The following CADPS variants were observed in gnomAD, a reference collection of about 807,000 sequenced individuals.
CADPS encodes calcium dependent secretion activator, also known as calcium-dependent secretion activator 1.
A neutral mutation model predicts 167.3 loss-of-function variants in CADPS; 57 were observed. The observed-to-expected ratio is 0.34, with a 90% CI of 0.28 to 0.42. The LOEUF is 0.42. CADPS is among the 20% of genes least tolerant of loss of function. The pLI, the probability that CADPS is intolerant of heterozygous loss-of-function variation, is 1.00. For missense variants in CADPS, 1,414 were observed against 1,738.1 expected, an observed-to-expected ratio of 0.81 and a Z score of 3.32; for synonymous variants, 676 against 635.3, an observed-to-expected ratio of 1.06 and a Z score of -0.96.
At chr3:62,472,956 C>A (rs904277868) in intron 24 of CADPS, among the ~76,000 whole-genome samples, 1 of 152,202 alleles carries the variant, frequency 6.6e-6, no homozygotes, top group Non-Finnish European at 1.5e-5. Flanking sequence ...AGCATCGCCA[C>A]GGAACTTGTC....
intron 8 of CADPS, among the ~76,000 whole-genome samples, chr3:62,582,991 GAC>G (rs2083739750): frequency 6.6e-6 from 1 of 152,154 alleles, no homozygotes; most frequent in African/African-American, 2.4e-5. Flanking sequence ...GAGAGTAAGT[GAC>G]ACAATAAAAC....
At position 62,831,523 on chromosome 3, in the gene CADPS, TC is replaced by T. The variant is rs565332906; in HGVS notation, c.441+43065del. On this transcript the variant is annotated intron_variant, in intron 1 of 29. Coordinates refer to ENST00000383710, the MANE Select transcript of CADPS (RefSeq NM_003716.4). The stretch of plus-strand genomic sequence containing the variant: ...GTTCCATTACCAAATTACTGCGAGG[TC>T]TTGGCTAAATCACTCAATCTCTTTT... Among the ~76,000 whole-genome samples, 812 of 152,228 alleles carry T rather than the reference TC, an allele frequency of 5.3e-3. 10 individuals carry two copies. The highest frequency in any genetic ancestry group is 0.018 in the African/African-American group (761 of 41,558).
At chr3:62,534,722 A>C (rs1488437621) in intron 12 of CADPS, among the ~76,000 whole-genome samples, 1 of 152,324 alleles carries the variant, frequency 6.6e-6, no homozygotes, top group East Asian at 1.9e-4. Context: ...AACTGAAAAA[A>C]AGATTGTAAT....
chr3:62,434,312 ATAT>A (rs1459366371), intron 28 of CADPS, among the ~76,000 whole-genome samples: 3 of 152,206 alleles, frequency 2.0e-5, no homozygotes, highest in African/African-American at 7.2e-5. Context: ...CACATCTGAA[ATAT>A]TATGGGAAAC....
chr3:62,400,270 G>A (rs1705430477), intron 29 of CADPS, among the ~76,000 whole-genome samples: 1 of 152,168 alleles, frequency 6.6e-6, no homozygotes, highest in Non-Finnish European at 1.5e-5. Context: ...AAGAACAATG[G>A]CTTGGTATTA....
intron 1 of CADPS, among the ~76,000 whole-genome samples, chr3:62,805,494 C>T (rs373300343): frequency 2.6e-5 from 4 of 152,132 alleles, no homozygotes; most frequent in African/African-American, 7.2e-5. Context: ...TATGCTATTA[C>T]GTAGTGTTTT....
intron 6 of CADPS, among the ~76,000 whole-genome samples, chr3:62,614,000 C>T (rs909340052): frequency 6.6e-6 from 1 of 152,114 alleles, no homozygotes; most frequent in Admixed American, 6.5e-5. Context: ...GTGCTCCCAC[C>T]TCCAACTCCC....
intron 1 of CADPS, among the ~76,000 whole-genome samples, chr3:62,805,594 A>G (rs915254211): frequency 1.3e-5 from 2 of 152,194 alleles, no homozygotes; most frequent in African/African-American, 4.8e-5. Flanking sequence ...AACATGTATC[A>G]GCACTAACTA....
At chr3:62,516,704 G>T in intron 14 of CADPS, 61 bp from the exon 15 acceptor site, 1 of 1,185,966 alleles carries the variant, frequency 8.4e-7, no homozygotes, top group Non-Finnish European at 1.2e-6. Flanking sequence ...GAAATATGCT[G>T]CAATTTGATT....
At chr3:62,791,820 T>C (rs1397563116) in intron 1 of CADPS, among the ~76,000 whole-genome samples, 1 of 152,222 alleles carries the variant, frequency 6.6e-6, no homozygotes, top group Non-Finnish European at 1.5e-5. Context: ...AGTTTACCTC[T>C]CTGTTTCCCC....
intron 17 of CADPS, among the ~76,000 whole-genome samples, chr3:62,503,386 C>T (rs573244569): frequency 6.6e-6 from 1 of 152,174 alleles, no homozygotes; most frequent in Non-Finnish European, 1.5e-5. Flanking sequence ...TGTTACAGGG[C>T]TGCTGATAAG....
chr3:62,697,778 T>C (rs2080611029), intron 3 of CADPS, among the ~76,000 whole-genome samples: 1 of 152,120 alleles, frequency 6.6e-6, no homozygotes. Flanking sequence ...ATTTTTTTAA[T>C]TTTTAAATTA....
intron 6 of CADPS, among the ~76,000 whole-genome samples, chr3:62,593,785 G>T (rs1400840537): frequency 6.6e-6 from 1 of 152,160 alleles, no homozygotes; most frequent in Non-Finnish European, 1.5e-5. Context: ...ACTGGGTTCT[G>T]GTATTAACCT....
At chr3:62,427,179 C>G (rs1208742413) in intron 28 of CADPS, among the ~76,000 whole-genome samples, 1 of 151,922 alleles carries the variant, frequency 6.6e-6, no homozygotes, top group Non-Finnish European at 1.5e-5. Context: ...AGCATTAATG[C>G]TCCATGGGAA....
chr3:62,708,729 G>A (rs150540407), intron 3 of CADPS, among the ~76,000 whole-genome samples: 11 of 152,160 alleles, frequency 7.2e-5, no homozygotes, highest in African/African-American at 2.4e-4. Context: ...GAGCCAAGTC[G>A]CTTGTGACCC....
intron 1 of CADPS, among the ~76,000 whole-genome samples, chr3:62,833,265 A>T (rs2075388645): frequency 1.3e-5 from 2 of 152,086 alleles, no homozygotes; most frequent in Non-Finnish European, 2.9e-5. Context: ...CTCCAACCTT[A>T]GCCTCTTGAA....
intron 6 of CADPS, among the ~76,000 whole-genome samples, chr3:62,606,269 A>C (rs1390226787): frequency 6.6e-6 from 1 of 152,204 alleles, no homozygotes; most frequent in Non-Finnish European, 1.5e-5. Context: ...CCAATATGAC[A>C]GTATTGAGGA....
chr3:62,720,339 T>G (rs1260978823), intron 3 of CADPS, among the ~76,000 whole-genome samples: 55 of 144,102 alleles, frequency 3.8e-4, no homozygotes, highest in Non-Finnish European at 5.8e-4. Flanking sequence ...GTTTGTTTGT[T>G]TGTTTTTTTT....
intron 13 of CADPS, among the ~76,000 whole-genome samples, chr3:62,522,903 G>A (rs562766061): frequency 1.3e-5 from 2 of 152,114 alleles, no homozygotes; most frequent in South Asian, 2.1e-4. Flanking sequence ...TCCCACCTGC[G>A]GGCCATCACT....
Sources: allele counts gnomAD v4.1 joint callset (sites outside exome capture counted in the v4.1 genomes callset), GRCh38; gene constraint gnomAD v4.1.1; transcripts MANE v1.5; gene names NCBI Gene and HGNC (gene_info 2026-07-23, HGNC 2026-07-21).